Variants in RMC1 observed in about 807,000 individuals in gnomAD.
The protein encoded by RMC1 is regulator of MON1-CCZ1 complex.
RMC1 carries 44 observed loss-of-function variants against 95.5 expected under a neutral mutation model. The ratio of observed to expected loss-of-function variants is 0.46; its 90% CI spans 0.36 to 0.59. The LOEUF (loss-of-function observed/expected upper bound fraction) is 0.59, where lower values mean the gene tolerates loss of function less well. Ranked by LOEUF, RMC1 falls within the 20% of genes least tolerant of loss-of-function variation. RMC1 has a pLI of 0.00. For synonymous variants in RMC1, 320 were observed against 303.6 expected (o/e 1.05, Z -0.56); for missense variants, 705 against 819.6 (o/e 0.86, Z 1.71).
Position 23,516,415 on chromosome 18 carries a change from G to C in RMC1, c.645G>C (p.Met215Ile). 1 of 1,613,994 alleles carries C rather than the reference G, an allele frequency of 6.2e-7. No homozygotes were observed. The highest frequency in any genetic ancestry group is 8.5e-7 in the Non-Finnish European group (1 of 1,179,868). ...GCCTTTCCGAAAGAGACATCGCAAT[G>C]GCTACCATGTATGTCCGTGTCAGAG... ...KPSLSERDIA[M>I]ATIYGQLYVL... The change falls in exon 7 of 20, where the codon ATG becomes ATC. Residue 215 changes from methionine to isoleucine, a missense_variant. Coordinates refer to ENST00000269221, the MANE Select transcript of RMC1 (RefSeq NM_013326.5).
intron 13 of RMC1, among the ~76,000 whole-genome samples, chr18:23,527,223 CAAAAAAAAAAAAAA>C (rs386387173): frequency 2.3e-5 from 1 of 43,670 alleles, no homozygotes; most frequent in South Asian, 1.0e-3. Context: ...CCTGTCTCTA[CAAAAAAAAAAAAAA>C]AAAAAAAAAA....
chr18:23,508,393 G>A (rs1031709150), intron 4 of RMC1, among the ~76,000 whole-genome samples: 6 of 152,170 alleles, frequency 3.9e-5, no homozygotes, highest in Non-Finnish European at 8.8e-5. Context: ...TGGAGTGGAG[G>A]TTTCTGGTGA....
rs1304145057 is a variant in RMC1, at chr18:23,530,439, A to G, written c.1721A>G (p.Gln574Arg). 1 of 1,614,276 alleles carries G rather than the reference A, an allele frequency of 6.2e-7. No individual in the cohort carries two copies. The highest frequency in any genetic ancestry group is 1.7e-5 in the Admixed American group (1 of 60,034). The stretch of plus-strand genomic sequence containing the variant: ...GTAGAAGTTCTCCTTTCCAAACACC[A>G]AGTGTTAGCTGCCTTAAGGTTTATC... ...EIVEVLLSKH[Q>R]VLAALRFIRG... Residue 574 changes from glutamine (Q) to arginine (R), a missense_variant, in exon 19 of 20, where the codon CAA becomes CGA. By Grantham distance (43) the Gln-to-Arg change is conservative. Coordinates refer to ENST00000269221, the MANE Select transcript of RMC1 (RefSeq NM_013326.5).
chr18:23,518,119 A>C (rs2145200170), intron 7 of RMC1, among the ~76,000 whole-genome samples: 1 of 152,398 alleles, frequency 6.6e-6, no homozygotes, highest in South Asian at 2.1e-4. Flanking sequence ...GTCCCTGGGC[A>C]GGCCCAGCAC....
intron 12 of RMC1, among the ~76,000 whole-genome samples, chr18:23,526,239 A>G (rs1002601400): frequency 4.6e-5 from 7 of 152,250 alleles, no homozygotes; most frequent in African/African-American, 1.7e-4. Flanking sequence ...GAGCTGTTGT[A>G]GGAGAAACCA....
chr18:23,513,590 C>G (rs1427079536), intron 5 of RMC1, among the ~76,000 whole-genome samples: 1 of 152,192 alleles, frequency 6.6e-6, no homozygotes, highest in East Asian at 1.9e-4. Context: ...GATGGTAGTT[C>G]TGTTTCTGAA....
At chr18:23,510,175 T>G (rs1348113733) in intron 5 of RMC1, among the ~76,000 whole-genome samples, 1 of 151,372 alleles carries the variant, frequency 6.6e-6, no homozygotes, top group African/African-American at 2.4e-5. Context: ...ATACAAAATG[T>G]TAGTCAGGCA....
At chr18:23,529,870 TA>T in intron 16 of RMC1, 157 bp from the exon 17 acceptor site, 1 of 1,031,616 alleles carries the variant, frequency 9.7e-7, no homozygotes, top group Non-Finnish European at 1.5e-6. Context: ...ATGGGAAGTG[TA>T]AGGTCAAGTT....
intron 10 of RMC1, among the ~76,000 whole-genome samples, chr18:23,521,107 G>T (rs1450053774): frequency 6.6e-6 from 1 of 151,950 alleles, no homozygotes; most frequent in Non-Finnish European, 1.5e-5. Flanking sequence ...CGCCTGCCTC[G>T]CTCTCCCAAA....
chr18:23,531,508 C>A, intron 19 of RMC1, 117 bp from the exon 20 acceptor site: 1 of 1,493,026 alleles, frequency 6.7e-7, no homozygotes, highest in Non-Finnish European at 8.9e-7. Context: ...CTTAGGAAAA[C>A]AATGTATTTT....
At chr18:23,516,100 T>TAACGTCACCGCTCTGACCACTAGAGGG in intron 6 of RMC1, 104 bp downstream of exon 6, 2 of 1,534,276 alleles carry the variant, frequency 1.3e-6, no homozygotes, top group Non-Finnish European at 1.8e-6. Context: ...CCTCTAGCCG[T>TAACGTCACCGCTCTGACCACTAGAGGG]AACGTCACCG....
chr18:23,524,213 C>T, intron 11 of RMC1, 39 bp downstream of exon 11: 1 of 1,607,990 alleles, frequency 6.2e-7, no homozygotes, highest in Non-Finnish European at 8.5e-7. Context: ...CACAACAGGG[C>T]AAGTGGTCAC....
chr18:23,527,729 C>A, intron 13 of RMC1, 66 bp from the exon 14 acceptor site: 2 of 1,239,740 alleles, frequency 1.6e-6, no homozygotes, highest in Non-Finnish European at 2.4e-6. Context: ...ATCATAGCAA[C>A]GTGTGGAAAT....
chr18:23,520,797 T>G (rs1311064530), intron 10 of RMC1, among the ~76,000 whole-genome samples: 1 of 152,102 alleles, frequency 6.6e-6, no homozygotes, highest in Non-Finnish European at 1.5e-5. Context: ...TAAATACTTG[T>G]GAGAGGAGAT....
intron 6 of RMC1, 51 bp downstream of exon 6, chr18:23,516,047 T>C: frequency 6.2e-7 from 1 of 1,611,978 alleles, no homozygotes; most frequent in Non-Finnish European, 8.5e-7. Flanking sequence ...TTGTCCCCTG[T>C]TCCTGTAGCA....
In RMC1 at chr18:23,525,774, C is replaced by CT. The variant is rs2058281693; in HGVS notation, c.1061-862dup. Among the ~76,000 whole-genome samples the CT allele has an allele frequency of 2.6e-5, 4 of 152,262 alleles. No homozygotes were observed. In the East Asian group the frequency reaches 5.8e-4, roughly 22 times the overall value. ...GTCTTGCCATGTTGCCCCTGTGTCT[C>CT]TAATACCTCGCCAGGCTGGTTATTA... is the stretch of plus-strand genomic sequence containing the variant. On this transcript the variant is annotated intron_variant, in intron 12 of 19. Transcript: ENST00000269221.
At chr18:23,519,262 A>G in intron 9 of RMC1, 88 bp downstream of exon 9, 5 of 1,193,494 alleles carry the variant, frequency 4.2e-6, no homozygotes, top group Non-Finnish European at 6.1e-6. Context: ...TCACGCCTGT[A>G]ATCCCAGCAC....
In RMC1 at chr18:23,530,622, CAATGA is replaced by C. The variant is rs751971811; in HGVS notation, c.1894+13_1894+17del. The C allele has an allele frequency of 6.2e-7, 1 of 1,609,960 alleles. No individual in the cohort carries two copies. The highest frequency in any genetic ancestry group is 8.5e-7 in the Non-Finnish European group (1 of 1,177,270). On this transcript the variant is annotated intron_variant, in intron 19 of 19. Transcript: ENST00000269221. ...CCCAATTTCACACCAGGTGAGAATG[CAATGA>C]AAAGACTTGGGGTAACCATAGCCTC...
chr18:23,519,677 C>T (rs1045456259), intron 9 of RMC1, among the ~76,000 whole-genome samples: 1 of 152,176 alleles, frequency 6.6e-6, no homozygotes, highest in Non-Finnish European at 1.5e-5. Context: ...AAAACTATTT[C>T]AGAAACTAAC....
Sources: gnomAD v4.1 joint callset for allele counts (sites outside exome capture counted in the v4.1 genomes callset) on GRCh38, gnomAD v4.1.1 for gene constraint, MANE v1.5 for transcripts, NCBI Gene and HGNC (gene_info 2026-07-23, HGNC 2026-07-21) for gene names.